GALNT14: variants seen among roughly 807,000 people sequenced by gnomAD.
The protein encoded by GALNT14 is polypeptide N-acetylgalactosaminyltransferase 14.
A neutral mutation model predicts 77.5 loss-of-function variants in GALNT14; 60 were observed. The ratio of observed to expected loss-of-function variants is 0.77; its 90% CI spans 0.63 to 0.96. GALNT14 has a LOEUF of 0.96. Among genes scored for constraint, GALNT14 ranks in the 40% least tolerant of loss-of-function variants. GALNT14 has a pLI of 0.00. For missense variants in GALNT14, 710 were observed against 731.0 expected (o/e 0.97, Z 0.33); for synonymous variants, 280 against 281.7 (o/e 0.99, Z 0.06).
chr2:31,013,499 T>G (rs575350369), intron 1 of GALNT14, among the ~76,000 whole-genome samples: 4 of 152,144 alleles, frequency 2.6e-5, no homozygotes, highest in African/African-American at 9.7e-5. Context: ...CAGCTTTCCA[T>G]GTCAGCGGAT....
intron 1 of GALNT14, among the ~76,000 whole-genome samples, chr2:31,111,976 C>T (rs1229686046): frequency 6.6e-6 from 1 of 151,232 alleles, no homozygotes; most frequent in African/African-American, 2.4e-5. Context: ...TGCCTTCTCC[C>T]ACTAAAACTG....
chr2:31,072,784 G>A (rs572862178), intron 1 of GALNT14, among the ~76,000 whole-genome samples: 65 of 152,264 alleles, frequency 4.3e-4, no homozygotes, highest in South Asian at 3.5e-3. Context: ...GGCTCAGTCC[G>A]TAAGACTGCC....
At chr2:30,920,670 C>T (rs1438386383) in intron 13 of GALNT14, among the ~76,000 whole-genome samples, 1 of 151,848 alleles carries the variant, frequency 6.6e-6, no homozygotes, top group Non-Finnish European at 1.5e-5. Flanking sequence ...CACATAGGCA[C>T]ACATACTCAG....
In GALNT14 at chr2:31,138,206, T is replaced by A. The variant is rs1679317595; in HGVS notation, c.-120A>T. Reference sequence around the variant, plus strand: ...GCTCTGGGGAGCTCTAGACCCAGGATCCGGTTGGAGGGGCGGCAGGATCCT... The same window carrying A: ...GCTCTGGGGAGCTCTAGACCCAGGAACCGGTTGGAGGGGCGGCAGGATCCT... On this transcript the variant is annotated 5_prime_UTR_variant, in exon 1 of 15. Transcript: ENST00000349752. The A allele has an allele frequency of 7.6e-7, 1 of 1,318,014 alleles. No homozygotes were observed. The highest frequency in any genetic ancestry group is 1.0e-6 in the Non-Finnish European group (1 of 956,724). 81.6% of individuals were successfully genotyped at this position (1,318,014 alleles called of 1,614,324 possible).
At chr2:31,097,405 G>A (rs966366944) in intron 1 of GALNT14, among the ~76,000 whole-genome samples, 1 of 151,944 alleles carries the variant, frequency 6.6e-6, no homozygotes, top group Non-Finnish European at 1.5e-5. Context: ...CAAGGGCAGA[G>A]AATTAACTCT....
intron 1 of GALNT14, among the ~76,000 whole-genome samples, chr2:31,121,341 G>C (rs115265589): frequency 0.012 from 1,868 of 152,272 alleles, 35 homozygotes; most frequent in African/African-American, 0.037. Flanking sequence ...AACATACACA[G>C]CAACGCTCAT....
intron 1 of GALNT14, among the ~76,000 whole-genome samples, chr2:31,109,633 G>T (rs1020050925): frequency 2.0e-5 from 3 of 152,156 alleles, no homozygotes; most frequent in African/African-American, 7.2e-5. Context: ...ACCGTCCTGC[G>T]GCAGTGCGGA....
intron 1 of GALNT14, among the ~76,000 whole-genome samples, chr2:31,011,529 G>C (rs985628437): frequency 1.3e-5 from 2 of 152,054 alleles, no homozygotes; most frequent in African/African-American, 2.4e-5. Flanking sequence ...AGAAGCCATG[G>C]TCTTTTCTTC....
At chr2:31,038,636 ATTG>A (rs904114949) in intron 1 of GALNT14, among the ~76,000 whole-genome samples, 55 of 152,080 alleles carry the variant, frequency 3.6e-4, no homozygotes, top group African/African-American at 1.3e-3. Context: ...TTTCACAGCT[ATTG>A]TTGTGAGGCT....
chr2:30,933,058 T>A (rs536137574), intron 9 of GALNT14, among the ~76,000 whole-genome samples: 2 of 152,270 alleles, frequency 1.3e-5, no homozygotes, highest in South Asian at 2.1e-4. Context: ...CTTGAAGTAG[T>A]GCTTCTGCCC....
intron 2 of GALNT14, among the ~76,000 whole-genome samples, chr2:30,970,350 T>C (rs991922276): frequency 3.9e-5 from 6 of 152,188 alleles, no homozygotes; most frequent in Non-Finnish European, 8.8e-5. Flanking sequence ...GGACACATCA[T>C]TTACCCTCTC....
intron 1 of GALNT14, among the ~76,000 whole-genome samples, chr2:31,135,629 TAAGAC>T (rs1679196186): frequency 6.6e-6 from 1 of 152,210 alleles, no homozygotes; most frequent in African/African-American, 2.4e-5. Flanking sequence ...AACAAGATGT[TAAGAC>T]AAAGAGCAAC....
intron 1 of GALNT14, among the ~76,000 whole-genome samples, chr2:31,120,718 A>G (rs1393301342): frequency 6.6e-6 from 1 of 152,062 alleles, no homozygotes; most frequent in Non-Finnish European, 1.5e-5. Context: ...GACCACGCCC[A>G]GCTAATTTTC....
the GALNT14 span, among the ~76,000 whole-genome samples, chr2:30,892,782 G>A: frequency 7.2e-5 from 11 of 152,262 alleles, no homozygotes; most frequent in African/African-American, 2.6e-4. Flanking sequence ...TTCTCCCACT[G>A]CTGTGAGTAT....
intron 2 of GALNT14, among the ~76,000 whole-genome samples, chr2:30,987,842 G>C (rs1372562587): frequency 6.6e-6 from 1 of 152,050 alleles, no homozygotes; most frequent in South Asian, 2.1e-4. Context: ...TCAGCTAATA[G>C]TTCTCTGTTT....
chr2:30,972,756 C>T (rs1334606058), intron 2 of GALNT14, among the ~76,000 whole-genome samples: 2 of 152,192 alleles, frequency 1.3e-5, no homozygotes, highest in Admixed American at 6.5e-5. Context: ...CCCGAAGAGG[C>T]GGTTTCTACT....
the GALNT14 span, among the ~76,000 whole-genome samples, chr2:30,897,652 AACGC>A: frequency 2.0e-5 from 3 of 152,160 alleles, no homozygotes; most frequent in African/African-American, 7.2e-5. Flanking sequence ...TTTCTTCGGC[AACGC>A]ACACACACTG....
At chr2:31,008,956 C>T (rs1445879418) in intron 1 of GALNT14, among the ~76,000 whole-genome samples, 1 of 152,146 alleles carries the variant, frequency 6.6e-6, no homozygotes. Flanking sequence ...CTGGAGGGCC[C>T]TCTGCTAGAC....
At chr2:31,098,757 C>A (rs1677119357) in intron 1 of GALNT14, among the ~76,000 whole-genome samples, 1 of 152,026 alleles carries the variant, frequency 6.6e-6, no homozygotes, top group African/African-American at 2.4e-5. Context: ...ATAAACAGCC[C>A]ATTAGCACAT....
Sources: allele counts gnomAD v4.1 joint callset (sites outside exome capture counted in the v4.1 genomes callset), GRCh38; gene constraint gnomAD v4.1.1; transcripts MANE v1.5; gene names NCBI Gene and HGNC (gene_info 2026-07-23, HGNC 2026-07-21).